The following PDE4D variants were observed in gnomAD, a reference collection of about 807,000 sequenced individuals.
The protein encoded by PDE4D is 3',5'-cyclic-AMP phosphodiesterase 4D.
A neutral mutation model predicts 87.4 loss-of-function variants in PDE4D; 24 were observed. That is an observed-to-expected ratio of 0.27 (90% CI 0.20 to 0.39). The LOEUF (loss-of-function observed/expected upper bound fraction) is 0.39, where lower values mean the gene tolerates loss of function less well. Ranked by LOEUF, PDE4D falls within the 10% of genes least tolerant of loss-of-function variation. The probability of loss-of-function intolerance (pLI) is 1.00; values close to 1 mark genes in which losing one functional copy is unlikely to be tolerated. For missense variants in PDE4D, 714 were observed against 1,041.0 expected (o/e 0.69, Z 4.32); for synonymous variants, 384 against 383.2 (o/e 1.00, Z -0.02).
At chr5:59,483,148 A>T (rs191426788) in intron 1 of PDE4D, among the ~76,000 whole-genome samples, 4 of 152,240 alleles carry the variant, frequency 2.6e-5, no homozygotes, top group African/African-American at 9.6e-5. Flanking sequence ...CCTTTTGGGT[A>T]TCAAGCCTGC....
At chr5:59,788,432 A>G (rs973287856) in intron 1 of PDE4D, among the ~76,000 whole-genome samples, 6 of 152,208 alleles carry the variant, frequency 3.9e-5, no homozygotes, top group Non-Finnish European at 8.8e-5. Context: ...TCCAGGGATG[A>G]ATCTCTGGAT....
At chr5:59,068,998 A>G (rs995078192) in intron 5 of PDE4D, among the ~76,000 whole-genome samples, 2 of 152,220 alleles carry the variant, frequency 1.3e-5, no homozygotes, top group Non-Finnish European at 2.9e-5. Flanking sequence ...AGGCAGAAAG[A>G]ATTTGTTAGG....
At chr5:59,346,629 C>T (rs536374122) in intron 1 of PDE4D, among the ~76,000 whole-genome samples, 20 of 152,216 alleles carry the variant, frequency 1.3e-4, no homozygotes, top group Admixed American at 5.9e-4. Flanking sequence ...ACCTGACGTT[C>T]CTTGTATGAG....
intron 1 of PDE4D, among the ~76,000 whole-genome samples, chr5:60,414,344 G>A (rs1275542020): frequency 6.6e-6 from 1 of 151,868 alleles, no homozygotes; most frequent in Non-Finnish European, 1.5e-5. Context: ...TATTTTTATG[G>A]GTCATAAAAC....
chr5:59,450,206 A>G (rs1186118367), intron 1 of PDE4D, among the ~76,000 whole-genome samples: 1 of 152,252 alleles, frequency 6.6e-6, no homozygotes, highest in East Asian at 1.9e-4. Context: ...AGCATGTTAC[A>G]CACATTACAC....
chr5:59,973,543 T>C (rs1275252077), intron 3 of PDE4D, among the ~76,000 whole-genome samples: 1 of 152,220 alleles, frequency 6.6e-6, no homozygotes, highest in Non-Finnish European at 1.5e-5. Flanking sequence ...CTTTGACATA[T>C]AGAGTTTTAT....
intron 5 of PDE4D, among the ~76,000 whole-genome samples, chr5:59,061,619 C>T (rs907638465): frequency 3.3e-5 from 5 of 152,054 alleles, no homozygotes; most frequent in African/African-American, 1.2e-4. Flanking sequence ...CAGCATCACA[C>T]CCTCCTCTTA....
chr5:59,910,397 C>G (rs911436124), intron 3 of PDE4D, among the ~76,000 whole-genome samples: 3 of 152,194 alleles, frequency 2.0e-5, no homozygotes, highest in Admixed American at 6.5e-5. Flanking sequence ...TGCACATCGT[C>G]TACTTTAACA....
chr5:60,136,607 T>C (rs1051331854), intron 2 of PDE4D, among the ~76,000 whole-genome samples: 10 of 152,252 alleles, frequency 6.6e-5, no homozygotes, highest in African/African-American at 2.4e-4. Flanking sequence ...TTTTAAACCA[T>C]AGCATTGTCA....
chr5:60,366,591 C>G (rs1484796651), intron 1 of PDE4D, among the ~76,000 whole-genome samples: 1 of 152,198 alleles, frequency 6.6e-6, no homozygotes. Context: ...TAGTGGCAAT[C>G]AAGGCCACTT....
At chr5:60,228,807 G>A (rs545889696) in intron 1 of PDE4D, among the ~76,000 whole-genome samples, 146 of 152,192 alleles carry the variant, frequency 9.6e-4, no homozygotes, top group Non-Finnish European at 1.1e-3. Context: ...CAGAGAGCGA[G>A]AAGTCATCCC....
chr5:59,977,304 TGTG>T (rs1561935120), intron 3 of PDE4D, among the ~76,000 whole-genome samples: 2 of 152,312 alleles, frequency 1.3e-5, no homozygotes, highest in African/African-American at 4.8e-5. Context: ...TTATTGATAA[TGTG>T]GAGAAAACTT....
At chr5:60,001,883 G>GAAAA (rs35443499) in intron 2 of PDE4D, among the ~76,000 whole-genome samples, 1 of 134,408 alleles carries the variant, frequency 7.4e-6, no homozygotes, top group Non-Finnish European at 1.6e-5. Flanking sequence ...AATTACAAAG[G>GAAAA]AAAAAAAAAA....
At chr5:60,394,340 G>A (rs1202755107) in intron 1 of PDE4D, among the ~76,000 whole-genome samples, 1 of 152,172 alleles carries the variant, frequency 6.6e-6, no homozygotes, top group Non-Finnish European at 1.5e-5. Context: ...GGCAGCTCTT[G>A]CCTCCTTTTA....
At chr5:59,284,101 G>A (rs1284822650) in intron 1 of PDE4D, among the ~76,000 whole-genome samples, 1 of 152,112 alleles carries the variant, frequency 6.6e-6, no homozygotes, top group East Asian at 1.9e-4. Flanking sequence ...ATTTCTGGCA[G>A]GATTATCTTT....
chr5:58,993,301 C>G (rs1748360171), intron 7 of PDE4D, 71 bp downstream of exon 7: 9 of 836,306 alleles, frequency 1.1e-5, no homozygotes, highest in Non-Finnish European at 7.5e-6. Flanking sequence ...AGTTGGCACC[C>G]CAATCCTCCT....
At chr5:59,195,649 T>A (rs1405376228) in intron 2 of PDE4D, among the ~76,000 whole-genome samples, 2 of 152,214 alleles carry the variant, frequency 1.3e-5, no homozygotes, top group African/African-American at 2.4e-5. Flanking sequence ...ATTGTGCAAG[T>A]TATTAAACTT....
chr5:59,378,910 AG>A (rs1785226426), intron 1 of PDE4D, among the ~76,000 whole-genome samples: 2 of 152,094 alleles, frequency 1.3e-5, no homozygotes, highest in Admixed American at 1.3e-4. Context: ...GGGAAAGGCA[AG>A]GGCAGAAAGC....
At chr5:59,670,374 T>A (rs1189754306) in intron 1 of PDE4D, among the ~76,000 whole-genome samples, 1 of 152,170 alleles carries the variant, frequency 6.6e-6, no homozygotes, top group Non-Finnish European at 1.5e-5. Context: ...AATCCAAAAC[T>A]TTTTGAGTGC....
Sources: gnomAD v4.1 joint callset for allele counts (sites outside exome capture counted in the v4.1 genomes callset) on GRCh38, gnomAD v4.1.1 for gene constraint, MANE v1.5 for transcripts, NCBI Gene and HGNC (gene_info 2026-07-23, HGNC 2026-07-21) for gene names.